Variants in ROBO2 observed in about 807,000 individuals in gnomAD.
ROBO2 encodes roundabout guidance receptor 2, also known as roundabout homolog 2.
In ROBO2, 53 loss-of-function variants were observed where a neutral mutation model predicts 160.8. The observed-to-expected ratio is 0.33, with a 90% confidence interval of 0.26 to 0.41. The LOEUF is 0.41. ROBO2 is among the 10% of genes least tolerant of loss of function. ROBO2 has a pLI of 1.00. For missense variants in ROBO2, 1,577 were observed against 1,722.4 expected, an observed-to-expected ratio of 0.92 and a Z score of 1.49; for synonymous variants, 664 against 611.7, an observed-to-expected ratio of 1.09 and a Z score of -1.26.
At chr3:76,960,246 C>T in intron 2 of ROBO2, among the ~76,000 whole-genome samples, 1 of 151,416 alleles carries the variant, frequency 6.6e-6, no homozygotes, top group Non-Finnish European at 1.5e-5. Context: ...ACATAAACCC[C>T]TGATAGACAA....
chr3:76,276,729 G>T (rs1478113275), intron 2 of ROBO2, among the ~76,000 whole-genome samples: 2 of 151,932 alleles, frequency 1.3e-5, no homozygotes, highest in Non-Finnish European at 2.9e-5. Flanking sequence ...TGACAATAGG[G>T]CAATGCCTTA....
intron 2 of ROBO2, among the ~76,000 whole-genome samples, chr3:76,068,831 C>G (rs1293420031): frequency 6.6e-6 from 1 of 151,836 alleles, no homozygotes; most frequent in Non-Finnish European, 1.5e-5. Flanking sequence ...TATTCTTCAA[C>G]TTTTAGTCCT....
intron 5 of ROBO2, among the ~76,000 whole-genome samples, chr3:77,505,989 G>A (rs968797709): frequency 5.9e-5 from 9 of 152,164 alleles, no homozygotes; most frequent in Non-Finnish European, 1.3e-4. Context: ...GCTTCCAGCA[G>A]CCTTAAAGTT....
chr3:76,799,086 C>T (rs56816366), intron 2 of ROBO2, among the ~76,000 whole-genome samples: 1,560 of 152,002 alleles, frequency 0.01, 22 homozygotes, highest in African/African-American at 0.035. Flanking sequence ...TGGTGGCAGG[C>T]GCCTGCAGTC....
intron 2 of ROBO2, among the ~76,000 whole-genome samples, chr3:76,074,108 G>A (rs9757080): frequency 0.019 from 1,174 of 60,306 alleles, no homozygotes; most frequent in South Asian, 0.029. Flanking sequence ...TCTCTGTGGC[G>A]CCTGTGTGGA....
chr3:75,940,119 A>G (rs1373663462), intron 2 of ROBO2, among the ~76,000 whole-genome samples: 2 of 152,190 alleles, frequency 1.3e-5, no homozygotes, highest in Non-Finnish European at 2.9e-5. Context: ...ATATTTATGA[A>G]TAGACTATGT....
intron 2 of ROBO2, among the ~76,000 whole-genome samples, chr3:76,066,731 TTTATC>T (rs1421361622): frequency 6.6e-6 from 1 of 151,966 alleles, no homozygotes; most frequent in African/African-American, 2.4e-5. Flanking sequence ...TTTTCAGACA[TTTATC>T]TTAGTGTTAC....
intron 2 of ROBO2, among the ~76,000 whole-genome samples, chr3:76,850,956 C>G (rs11718246): frequency 0.12 from 18,904 of 152,192 alleles, 1,330 homozygotes; most frequent in East Asian, 0.24. Flanking sequence ...GTTTCATCTC[C>G]AGAGTCCCTT....
chr3:76,199,193 C>G (rs908569185), intron 2 of ROBO2, among the ~76,000 whole-genome samples: 1 of 152,114 alleles, frequency 6.6e-6, no homozygotes, highest in African/African-American at 2.4e-5. Flanking sequence ...GATCATTCCT[C>G]AAATGTGTAT....
At chr3:76,965,754 T>C (rs2059246010) in intron 2 of ROBO2, among the ~76,000 whole-genome samples, 1 of 142,648 alleles carries the variant, frequency 7.0e-6, no homozygotes, top group Admixed American at 7.0e-5. Context: ...ATTCAAAAGG[T>C]AGTTGCTATA....
chr3:76,081,704 C>T (rs1311813275), intron 2 of ROBO2, among the ~76,000 whole-genome samples: 1 of 152,052 alleles, frequency 6.6e-6, no homozygotes, highest in Non-Finnish European at 1.5e-5. Context: ...TAGATGTTCT[C>T]ATTTCTCTTG....
At chr3:77,392,147 T>G (rs1349012881) in intron 2 of ROBO2, among the ~76,000 whole-genome samples, 1 of 152,200 alleles carries the variant, frequency 6.6e-6, no homozygotes, top group Non-Finnish European at 1.5e-5. Flanking sequence ...TTTAGACTAC[T>G]AGTGGCTACA....
At chr3:76,580,449 C>A (rs140101587) in intron 2 of ROBO2, among the ~76,000 whole-genome samples, 86 of 146,650 alleles carry the variant, frequency 5.9e-4, no homozygotes, top group African/African-American at 2.1e-3. Context: ...CGTGATCATA[C>A]CATTTAACCA....
chr3:76,043,660 CCAAACCAAAA>C (rs761900196), intron 2 of ROBO2, among the ~76,000 whole-genome samples: 149 of 122,080 alleles, frequency 1.2e-3, no homozygotes, highest in Admixed American at 2.9e-3. Flanking sequence ...CACCAAAAAA[CCAAACCAAAA>C]CAAACCAAAA....
chr3:76,044,370 A>G (rs1430910190), intron 2 of ROBO2, among the ~76,000 whole-genome samples: 2 of 152,062 alleles, frequency 1.3e-5, no homozygotes, highest in Admixed American at 1.3e-4. Context: ...AATAAAGAGT[A>G]TATCAGAACT....
At chr3:77,398,135 T>A (rs983366641) in intron 2 of ROBO2, among the ~76,000 whole-genome samples, 9 of 152,112 alleles carry the variant, frequency 5.9e-5, no homozygotes, top group Admixed American at 3.9e-4. Flanking sequence ...ATAACTAGGA[T>A]CATTTTAAAG....
At chr3:77,206,739 C>T (rs576363433) in intron 2 of ROBO2, among the ~76,000 whole-genome samples, 13 of 152,100 alleles carry the variant, frequency 8.5e-5, no homozygotes, top group African/African-American at 3.1e-4. Context: ...TTTAGTAGTA[C>T]TCTCATCAGA....
chr3:76,875,010 G>A (rs1403395042), intron 2 of ROBO2, among the ~76,000 whole-genome samples: 1 of 152,186 alleles, frequency 6.6e-6, no homozygotes, highest in East Asian at 1.9e-4. Context: ...CAAAATTGAT[G>A]TGTTGAATGA....
chr3:76,579,102 C>A (rs1238307253), intron 2 of ROBO2, among the ~76,000 whole-genome samples: 2 of 152,206 alleles, frequency 1.3e-5, no homozygotes, highest in Non-Finnish European at 2.9e-5. Flanking sequence ...ACTTTGCTCC[C>A]TATATTTTCT....
Sources: allele counts gnomAD v4.1 joint callset (sites outside exome capture counted in the v4.1 genomes callset), GRCh38; gene constraint gnomAD v4.1.1; transcripts MANE v1.5; gene names NCBI Gene and HGNC (gene_info 2026-07-23, HGNC 2026-07-21).